The following TMEM200A variants were observed in gnomAD, a reference collection of about 807,000 sequenced individuals.
TMEM200A encodes the protein transmembrane protein 200A.
In TMEM200A, 12 loss-of-function variants were observed where a neutral mutation model predicts 24.3. The observed-to-expected ratio is 0.49, with a 90% confidence interval of 0.32 to 0.80. The LOEUF is 0.80. Ranked by LOEUF, TMEM200A falls within the 30% of genes least tolerant of loss-of-function variation. The pLI is 0.04. For synonymous variants in TMEM200A, 224 were observed against 224.4 expected, an observed-to-expected ratio of 1.00 and a Z score of 0.02; for missense variants, 545 against 614.4, an observed-to-expected ratio of 0.89 and a Z score of 1.19.
At chr6:130,388,715 A>G (rs1486675160) in intron 2 of TMEM200A, among the ~76,000 whole-genome samples, 1 of 152,190 alleles carries the variant, frequency 6.6e-6, no homozygotes, top group Non-Finnish European at 1.5e-5. Flanking sequence ...TAAATAGTTC[A>G]TTACTCAATT....
chr6:130,441,663 G>T lies in TMEM200A; in HGVS notation c.1241G>T (p.Arg414Leu), dbSNP rs575270193. 7 of 1,614,052 alleles carry T rather than the reference G, an allele frequency of 4.3e-6. No homozygotes were observed. In the East Asian group the frequency reaches 1.3e-4, roughly 31 times the overall value. ...PSTLTVQAEQ[R>L]KHPSWPRLDR... ...ACTCTAACTGTTCAGGCAGAACAAC[G>T]GAAACATCCAAGTTGGCCTAGGTTG... Residue 414 changes from arginine to leucine, a missense_variant, in exon 3 of 3, where the codon CGG becomes CTG. Physicochemically the swap from Arg to Leu is moderately radical, Grantham distance 102 (BLOSUM62 -2). Coordinates refer to ENST00000296978, the MANE Select transcript of TMEM200A (RefSeq NM_001258277.2).
intron 1 of TMEM200A, among the ~76,000 whole-genome samples, chr6:130,373,218 C>G (rs764122959): frequency 2.0e-5 from 3 of 152,150 alleles, no homozygotes; most frequent in Non-Finnish European, 4.4e-5. Flanking sequence ...GCTTAGTGAA[C>G]ATACATGTGC....
chr6:130,440,191 T>C (rs1423356395), intron 2 of TMEM200A, among the ~76,000 whole-genome samples: 1 of 152,114 alleles, frequency 6.6e-6, no homozygotes, highest in African/African-American at 2.4e-5. Flanking sequence ...TAGAAATGTT[T>C]ACTTAGCCAA....
Position 130,442,932 on chromosome 6 carries a change from C to T in TMEM200A, c.*1034C>T, listed in dbSNP as rs893842398. On this transcript the variant is annotated 3_prime_UTR_variant, in exon 3 of 3. Coordinates refer to ENST00000296978, the MANE Select transcript of TMEM200A (RefSeq NM_001258277.2). ...AAAAATTTAGTTCTTGATAAATTGC[C>T]TTGAAGTTTACCTTGTGCTGGAGAG... 4.8e-5 allele frequency: 8 copies of T among 166,956 alleles called. No homozygotes were observed. Among genetic ancestry groups the T allele is most frequent in the African/African-American group, 1.7e-4 (7 of 41,402 alleles). 10.3% of individuals were successfully genotyped at this position (166,956 alleles called of 1,614,324 possible).
At chr6:130,370,647 G>A (rs1778299639) in intron 1 of TMEM200A, among the ~76,000 whole-genome samples, 1 of 152,134 alleles carries the variant, frequency 6.6e-6, no homozygotes, top group Non-Finnish European at 1.5e-5. Flanking sequence ...GCAAGGTATA[G>A]CCCAGTGATG....
chr6:130,436,761 C>T (rs1354915105), intron 2 of TMEM200A, among the ~76,000 whole-genome samples: 2 of 150,590 alleles, frequency 1.3e-5, no homozygotes, highest in East Asian at 4.0e-4. Context: ...ATCCTCCTGC[C>T]TCAGCCTCCT....
At chr6:130,386,904 A>G (rs1451295817) in intron 2 of TMEM200A, among the ~76,000 whole-genome samples, 4 of 152,316 alleles carry the variant, frequency 2.6e-5, no homozygotes, top group Middle Eastern at 3.4e-3. Context: ...GCACTCCTGC[A>G]TTACTCCCAG....
chr6:130,413,085 C>T (rs1317694902), intron 2 of TMEM200A, among the ~76,000 whole-genome samples: 1 of 152,116 alleles, frequency 6.6e-6, no homozygotes, highest in Non-Finnish European at 1.5e-5. Flanking sequence ...GAATCAAGTA[C>T]CAGCAGTTTC....
chr6:130,395,857 C>T (rs2115119233), intron 2 of TMEM200A, among the ~76,000 whole-genome samples: 1 of 152,268 alleles, frequency 6.6e-6, no homozygotes, highest in South Asian at 2.1e-4. Flanking sequence ...GTACTGTGGT[C>T]ATGTAAGACA....
chr6:130,376,976 C>A (rs148279347), intron 1 of TMEM200A, among the ~76,000 whole-genome samples: 1 of 152,170 alleles, frequency 6.6e-6, no homozygotes, highest in Non-Finnish European at 1.5e-5. Flanking sequence ...ATTAATGATG[C>A]TTGTTAATGA....
At position 130,441,091 on chromosome 6, in the gene TMEM200A, C is replaced by T; in HGVS notation, c.669C>T (p.Asp223=). 1 of 1,614,016 alleles carries T rather than the reference C, an allele frequency of 6.2e-7. No homozygotes were observed. Among genetic ancestry groups the T allele is most frequent in the Non-Finnish European group, 8.5e-7 (1 of 1,180,004 alleles). Residue 223 remains aspartate, a synonymous_variant, in exon 3 of 3, where the codon GAC becomes GAT. Transcript: ENST00000296978. ...FSGFRSSFRM[D]SSVEEDELML... ...GTTTTCGGAGCAGTTTTCGAATGGA[C>T]AGCTCCGTGGAGGAGGATGAACTTA...
chr6:130,378,014 A>C (rs992143722), intron 1 of TMEM200A, among the ~76,000 whole-genome samples: 1 of 152,052 alleles, frequency 6.6e-6, no homozygotes, highest in Non-Finnish European at 1.5e-5. Flanking sequence ...GAGGAATAGA[A>C]AGTGCAAAGG....
intron 2 of TMEM200A, among the ~76,000 whole-genome samples, chr6:130,417,428 G>A (rs1779482943): frequency 6.6e-6 from 1 of 152,154 alleles, no homozygotes; most frequent in South Asian, 2.1e-4. Context: ...TACCCAGGTT[G>A]AAGTTGATTT....
intron 2 of TMEM200A, among the ~76,000 whole-genome samples, chr6:130,390,637 C>T (rs550231511): frequency 1.3e-5 from 2 of 152,260 alleles, no homozygotes; most frequent in South Asian, 4.1e-4. Context: ...GAATGTGTTG[C>T]ATATAATAGT....
intron 1 of TMEM200A, among the ~76,000 whole-genome samples, chr6:130,370,956 G>T (rs1778308373): frequency 6.6e-6 from 1 of 152,200 alleles, no homozygotes; most frequent in Non-Finnish European, 1.5e-5. Context: ...TGTTGGAAAT[G>T]CACAGAGGGG....
At chr6:130,379,357 G>A (rs1778542429) in intron 1 of TMEM200A, among the ~76,000 whole-genome samples, 1 of 152,124 alleles carries the variant, frequency 6.6e-6, no homozygotes, top group Admixed American at 6.5e-5. Context: ...GGGAAGCATA[G>A]CCTCCAGCCA....
intron 1 of TMEM200A, among the ~76,000 whole-genome samples, chr6:130,375,371 C>T (rs556556350): frequency 6.3e-4 from 96 of 152,148 alleles, no homozygotes; most frequent in South Asian, 1.0e-3. Flanking sequence ...TTATAACATG[C>T]GTTAAAAAGT....
At chr6:130,370,994 T>C (rs1220028204) in intron 1 of TMEM200A, among the ~76,000 whole-genome samples, 2 of 152,170 alleles carry the variant, frequency 1.3e-5, no homozygotes, top group African/African-American at 4.8e-5. Context: ...AGGATTTTCA[T>C]TTAGGAGGCA....
At chr6:130,399,750 T>C (rs9483121) in intron 2 of TMEM200A, among the ~76,000 whole-genome samples, 46,420 of 151,408 alleles carry the variant, frequency 0.31, 10,311 homozygotes, top group African/African-American at 0.63. Flanking sequence ...AAGTTCTTTA[T>C]AGTGGTGATT....
Sources: gnomAD v4.1 joint callset for allele counts (sites outside exome capture counted in the v4.1 genomes callset) on GRCh38, gnomAD v4.1.1 for gene constraint, MANE v1.5 for transcripts, NCBI Gene and HGNC (gene_info 2026-07-23, HGNC 2026-07-21) for gene names.